PDE1A: variants seen among roughly 807,000 people sequenced by gnomAD.
The protein encoded by PDE1A is phosphodiesterase 1A.
In PDE1A, 35 loss-of-function variants were observed where a neutral mutation model predicts 61.7. That is an observed-to-expected ratio of 0.57 (90% CI 0.43 to 0.75). The LOEUF is 0.75. PDE1A is among the 30% of genes least tolerant of loss of function. The probability of loss-of-function intolerance (pLI) is 0.00; values close to 1 mark genes in which losing one functional copy is unlikely to be tolerated. For synonymous variants in PDE1A, 232 were observed against 213.2 expected, an observed-to-expected ratio of 1.09 and a Z score of -0.77; for missense variants, 597 against 630.6, an observed-to-expected ratio of 0.95 and a Z score of 0.57.
chr2:182,568,584 T>G, the PDE1A span, among the ~76,000 whole-genome samples: 1 of 152,140 alleles, frequency 6.6e-6, no homozygotes, highest in Non-Finnish European at 1.5e-5. Context: ...GAGAATGGCA[T>G]GAACCCGGGA....
intron 2 of PDE1A, among the ~76,000 whole-genome samples, chr2:182,487,060 T>C (rs926023032): frequency 7.9e-5 from 12 of 152,154 alleles, no homozygotes; most frequent in Admixed American, 5.9e-4. Context: ...AAAGGACTCT[T>C]AAAACTCAAA....
intron 2 of PDE1A, among the ~76,000 whole-genome samples, chr2:182,473,939 C>T (rs1276545914): frequency 6.6e-6 from 1 of 151,898 alleles, no homozygotes; most frequent in African/African-American, 2.4e-5. Context: ...AAAAGTGCTA[C>T]AGTGAACATA....
the PDE1A span, among the ~76,000 whole-genome samples, chr2:182,670,857 G>A: frequency 4.6e-5 from 7 of 152,204 alleles, no homozygotes; most frequent in East Asian, 1.2e-3. Flanking sequence ...TTGCTCTGTC[G>A]TCCTGGCTGG....
chr2:182,331,650 T>C (rs1697418102), intron 1 of PDE1A, among the ~76,000 whole-genome samples: 1 of 152,222 alleles, frequency 6.6e-6, no homozygotes, highest in Admixed American at 6.5e-5. Flanking sequence ...GAAAGTTCTT[T>C]TCTTTAAGAA....
chr2:182,207,323 T>C (rs1687192645), intron 7 of PDE1A, among the ~76,000 whole-genome samples: 1 of 152,188 alleles, frequency 6.6e-6, no homozygotes, highest in African/African-American at 2.4e-5. Flanking sequence ...AGTATTTGAG[T>C]ACTTATTTGA....
chr2:182,561,585 C>CTG, the PDE1A span, among the ~76,000 whole-genome samples: 2 of 152,124 alleles, frequency 1.3e-5, no homozygotes, highest in African/African-American at 4.8e-5. Flanking sequence ...TTTTCCAATT[C>CTG]TGTGAAGAAA....
chr2:182,474,275 T>C (rs894798361), intron 2 of PDE1A, among the ~76,000 whole-genome samples: 1 of 151,966 alleles, frequency 6.6e-6, no homozygotes, highest in Non-Finnish European at 1.5e-5. Context: ...AGAAAGGCTC[T>C]TTCAGAGTGA....
intron 1 of PDE1A, among the ~76,000 whole-genome samples, chr2:182,311,856 T>C (rs1021509054): frequency 1.6e-4 from 24 of 152,198 alleles, no homozygotes; most frequent in Non-Finnish European, 2.8e-4. Context: ...TTCCAAACTT[T>C]TTCCCAAAGT....
At chr2:182,206,047 C>T in exon 8 of PDE1A, 2 of 1,609,486 alleles carry the variant, frequency 1.2e-6, no homozygotes, top group Non-Finnish European at 8.5e-7. Flanking sequence ...GATCATTATA[C>T]AAAATGGCAA....
At chr2:182,609,554 ACTCCAGACGTGCCGT>A in the PDE1A span, among the ~76,000 whole-genome samples, 6 of 151,018 alleles carry the variant, frequency 4.0e-5, no homozygotes, top group South Asian at 1.3e-3. Context: ...GGAATGAAAA[ACTCCAGACGTGCCGT>A]CTTAAGAGCT....
At chr2:182,602,999 A>G in the PDE1A span, among the ~76,000 whole-genome samples, 1 of 148,752 alleles carries the variant, frequency 6.7e-6, no homozygotes, top group Admixed American at 6.8e-5. Flanking sequence ...ACACACATAC[A>G]TACATACATA....
chr2:182,631,204 GGT>G, the PDE1A span, among the ~76,000 whole-genome samples: 1 of 151,940 alleles, frequency 6.6e-6, no homozygotes, highest in Non-Finnish European at 1.5e-5. Flanking sequence ...CTTAGAACCA[GGT>G]GTACTAAGGG....
chr2:182,283,189 C>T (rs1424512953), intron 1 of PDE1A, among the ~76,000 whole-genome samples: 1 of 152,038 alleles, frequency 6.6e-6, no homozygotes, highest in African/African-American at 2.4e-5. Flanking sequence ...AATCACTGGA[C>T]ACTTGTTGAG....
chr2:182,396,086 C>G (rs965771963), intron 1 of PDE1A, among the ~76,000 whole-genome samples: 1 of 152,222 alleles, frequency 6.6e-6, no homozygotes, highest in African/African-American at 2.4e-5. Context: ...GGCTCAAATG[C>G]CCATGGTCTC....
At chr2:182,637,233 A>G in the PDE1A span, among the ~76,000 whole-genome samples, 1 of 152,210 alleles carries the variant, frequency 6.6e-6, no homozygotes, top group African/African-American at 2.4e-5. Flanking sequence ...AACTGCATCC[A>G]GCATTTGAGA....
the PDE1A span, among the ~76,000 whole-genome samples, chr2:182,661,312 C>T: frequency 6.6e-6 from 1 of 152,052 alleles, no homozygotes; most frequent in Admixed American, 6.5e-5. Context: ...ATTTTTATGC[C>T]TGACAGAAAT....
intron 13 of PDE1A, among the ~76,000 whole-genome samples, chr2:182,171,654 C>A (rs1000504445): frequency 6.6e-6 from 1 of 151,378 alleles, no homozygotes; most frequent in Non-Finnish European, 1.5e-5. Context: ...GCACTTGGAG[C>A]GGGGCTAATT....
At chr2:182,648,511 C>CAAAAAAAAAAAAAAAAAAAAAAAA in the PDE1A span, among the ~76,000 whole-genome samples, 15 of 76,208 alleles carry the variant, frequency 2.0e-4, no homozygotes, top group Admixed American at 3.5e-4. Context: ...CCTGTCCCCA[C>CAAAAAAAAAAAAAAAAAAAAAAAA]AAAAAAAAAA....
chr2:182,496,865 C>T (rs745949839), intron 2 of PDE1A, among the ~76,000 whole-genome samples: 6 of 152,212 alleles, frequency 3.9e-5, no homozygotes, highest in Non-Finnish European at 7.3e-5. Flanking sequence ...CTCCTATAGA[C>T]ATTCCTGTGA....
Sources: allele counts gnomAD v4.1 joint callset (sites outside exome capture counted in the v4.1 genomes callset), GRCh38; gene constraint gnomAD v4.1.1; transcripts MANE v1.5; gene names NCBI Gene and HGNC (gene_info 2026-07-23, HGNC 2026-07-21).